PLCL1: variants seen among roughly 807,000 people sequenced by gnomAD.
PLCL1 encodes the protein inactive phospholipase C-like protein 1.
PLCL1 carries 41 observed loss-of-function variants against 84.4 expected under a neutral mutation model. The observed-to-expected ratio is 0.49, with a 90% CI of 0.38 to 0.63. PLCL1 has a LOEUF of 0.63. Among genes scored for constraint, PLCL1 ranks in the 30% least tolerant of loss-of-function variants. PLCL1 has a pLI of 0.00. For synonymous variants in PLCL1, 490 were observed against 488.3 expected, an observed-to-expected ratio of 1.00 and a Z score of -0.05; for missense variants, 1,206 against 1,367.8, an observed-to-expected ratio of 0.88 and a Z score of 1.87.
intron 1 of PLCL1, among the ~76,000 whole-genome samples, chr2:197,944,047 G>T (rs1462276678): frequency 2.6e-5 from 4 of 152,112 alleles, no homozygotes; most frequent in Non-Finnish European, 5.9e-5. Context: ...TGTTTTGGAG[G>T]AGTATATCCT....
At chr2:197,865,236 G>A (rs965818273) in intron 1 of PLCL1, among the ~76,000 whole-genome samples, 3 of 152,082 alleles carry the variant, frequency 2.0e-5, no homozygotes, top group African/African-American at 7.2e-5. Flanking sequence ...TGAAATATGG[G>A]GAAACCAGCA....
intron 3 of PLCL1, among the ~76,000 whole-genome samples, chr2:198,100,505 G>A (rs1355310571): frequency 6.6e-6 from 1 of 152,074 alleles, no homozygotes; most frequent in African/African-American, 2.4e-5. Flanking sequence ...GTGGGAGGAG[G>A]AACAAGTAGG....
intron 1 of PLCL1, among the ~76,000 whole-genome samples, chr2:197,923,237 G>A (rs1455563884): frequency 1.7e-4 from 25 of 149,154 alleles, no homozygotes; most frequent in Non-Finnish European, 3.1e-4. Flanking sequence ...CGGATGGGGC[G>A]GCTGGCCGGG....
At chr2:197,861,970 G>A (rs369664686) in intron 1 of PLCL1, among the ~76,000 whole-genome samples, 9 of 152,084 alleles carry the variant, frequency 5.9e-5, no homozygotes, top group East Asian at 1.9e-4. Flanking sequence ...AAAGGCTCAC[G>A]GCACTCTTCT....
intron 1 of PLCL1, among the ~76,000 whole-genome samples, chr2:198,032,908 C>A (rs1691460498): frequency 6.6e-6 from 1 of 152,092 alleles, no homozygotes; most frequent in South Asian, 2.1e-4. Context: ...TGGGAATTTG[C>A]TTTGGTGCAT....
chr2:197,983,386 C>T (rs770593205), intron 1 of PLCL1, among the ~76,000 whole-genome samples: 1 of 151,502 alleles, frequency 6.6e-6, no homozygotes, highest in African/African-American at 2.4e-5. Context: ...TGTACCACCA[C>T]GCTTGGCTAA....
chr2:197,870,013 A>T (rs1687620851), intron 1 of PLCL1, among the ~76,000 whole-genome samples: 1 of 152,148 alleles, frequency 6.6e-6, no homozygotes, highest in Non-Finnish European at 1.5e-5. Flanking sequence ...TTTGTGAAAC[A>T]GGAAGGGTAA....
chr2:197,885,417 C>G lies in PLCL1; in HGVS notation c.240+80078C>G, dbSNP rs147895343. ...CCAGCTCAAGTGGTGAGACAAGAAA[C>G]AGAGAAGGGGGGACAAATTCCTCTT... On this transcript the variant is annotated intron_variant, in intron 1 of 5. Transcript: ENST00000428675. Among the ~76,000 whole-genome samples, 47 of 152,246 alleles carry G rather than the reference C, an allele frequency of 3.1e-4. 1 individual carries two copies. In the East Asian group the frequency reaches 8.7e-3, roughly 28 times the overall value.
intron 1 of PLCL1, among the ~76,000 whole-genome samples, chr2:198,021,357 C>G (rs550408275): frequency 9.9e-5 from 15 of 152,064 alleles, no homozygotes; most frequent in African/African-American, 3.6e-4. Flanking sequence ...TAAGAGCAAA[C>G]AAATTCAAAA....
chr2:198,000,960 A>G (rs967195261), intron 1 of PLCL1, among the ~76,000 whole-genome samples: 3 of 152,130 alleles, frequency 2.0e-5, no homozygotes, highest in Non-Finnish European at 4.4e-5. Flanking sequence ...AAGCTACTTA[A>G]CTTTTCAGAG....
intron 1 of PLCL1, among the ~76,000 whole-genome samples, chr2:197,961,487 T>TA (rs1288194253): frequency 6.6e-6 from 1 of 152,054 alleles, no homozygotes; most frequent in Non-Finnish European, 1.5e-5. Context: ...TTTATTTATA[T>TA]ATCCCTTTTC....
intron 1 of PLCL1, among the ~76,000 whole-genome samples, chr2:197,890,395 C>A (rs1167930537): frequency 6.6e-6 from 1 of 152,066 alleles, no homozygotes; most frequent in African/African-American, 2.4e-5. Flanking sequence ...CAACACCAAC[C>A]TTTGGATCAC....
At chr2:198,124,993 G>A (rs1693952396) in intron 5 of PLCL1, among the ~76,000 whole-genome samples, 1 of 152,104 alleles carries the variant, frequency 6.6e-6, no homozygotes, top group African/African-American at 2.4e-5. Context: ...CAAGTGCTCA[G>A]TAGCCACATG....
rs537017029 is a variant in PLCL1, at chr2:197,989,730, C to CA, written c.241-94018dup. Among the ~76,000 whole-genome samples, 1,132 of 146,704 alleles carry CA rather than the reference C, an allele frequency of 7.7e-3. 15 individuals are homozygous for CA. The highest frequency in any genetic ancestry group is 0.027 in the African/African-American group (1,067 of 40,042). On this transcript the variant is annotated intron_variant, in intron 1 of 5. Transcript: ENST00000428675. ...AAACAAAACAAAACAAAACAAAAAA[C>CA]AAAAAAAAAAGTGTTTTGGGATGGA...
chr2:198,072,838 A>T (rs1692495442), intron 1 of PLCL1, among the ~76,000 whole-genome samples: 1 of 152,088 alleles, frequency 6.6e-6, no homozygotes, highest in South Asian at 2.1e-4. Flanking sequence ...CTTTTTGAAG[A>T]ATATATTTCT....
chr2:198,071,835 T>C (rs1394405081), intron 1 of PLCL1, among the ~76,000 whole-genome samples: 2 of 151,908 alleles, frequency 1.3e-5, no homozygotes, highest in Non-Finnish European at 1.5e-5. Flanking sequence ...TATACTCTTA[T>C]AGTTTTTCCT....
Position 198,049,204 on chromosome 2 carries a change from C to T in PLCL1, c.241-34554C>T, listed in dbSNP as rs550406791. ...TCACTGAGATTGTTTTGCTCTGCTC[C>T]AAGTTGCAACTGAAGACAAATCACA... On this transcript the variant is annotated intron_variant, in intron 1 of 5. Transcript: ENST00000428675. Among the ~76,000 whole-genome samples, 3 of 152,292 alleles carry T rather than the reference C, an allele frequency of 2.0e-5. No homozygotes were observed. In the South Asian group the frequency reaches 6.2e-4, roughly 32 times the overall value.
At chr2:198,111,717 T>C (rs1693627754) in intron 5 of PLCL1, among the ~76,000 whole-genome samples, 1 of 151,884 alleles carries the variant, frequency 6.6e-6, no homozygotes. Flanking sequence ...ACCTTCCCAT[T>C]GGCATACAGG....
chr2:197,995,164 C>T (rs1224871815), intron 1 of PLCL1, among the ~76,000 whole-genome samples: 1 of 152,100 alleles, frequency 6.6e-6, no homozygotes, highest in Non-Finnish European at 1.5e-5. Context: ...TCAGCCTTCT[C>T]TGTGTTATTA....
Sources: gnomAD v4.1 joint callset for allele counts (sites outside exome capture counted in the v4.1 genomes callset) on GRCh38, gnomAD v4.1.1 for gene constraint, MANE v1.5 for transcripts, NCBI Gene and HGNC (gene_info 2026-07-23, HGNC 2026-07-21) for gene names.